The following DDX10 variants were observed in gnomAD, a reference collection of about 807,000 sequenced individuals.
DDX10 encodes the protein probable ATP-dependent RNA helicase DDX10.
Under a neutral mutation model 104.3 loss-of-function variants are expected in DDX10, and 74 were observed. The ratio of observed to expected loss-of-function variants is 0.71; its 90% CI spans 0.59 to 0.86. The LOEUF (loss-of-function observed/expected upper bound fraction) is 0.86, where lower values mean the gene tolerates loss of function less well. Ranked by LOEUF, DDX10 falls within the 40% of genes least tolerant of loss-of-function variation. DDX10 has a pLI of 0.00. For missense variants in DDX10, 952 were observed against 1,040.0 expected, an observed-to-expected ratio of 0.92 and a Z score of 1.16; for synonymous variants, 351 against 353.4, an observed-to-expected ratio of 0.99 and a Z score of 0.08.
intron 16 of DDX10, among the ~76,000 whole-genome samples, chr11:108,908,991 G>T (rs146922024): frequency 0.015 from 2,323 of 152,286 alleles, 57 homozygotes; most frequent in African/African-American, 0.053. Flanking sequence ...TTCCTGGACA[G>T]AACACCCTTA....
chr11:108,839,286 C>G (rs1040018837), intron 14 of DDX10, among the ~76,000 whole-genome samples: 1 of 152,178 alleles, frequency 6.6e-6, no homozygotes, highest in Non-Finnish European at 1.5e-5. Flanking sequence ...TGACTATCCT[C>G]ATATTAGCAC....
intron 16 of DDX10, among the ~76,000 whole-genome samples, chr11:108,866,376 G>A (rs1426220460): frequency 2.0e-5 from 3 of 152,120 alleles, no homozygotes; most frequent in Non-Finnish European, 4.4e-5. Flanking sequence ...ATGTTAATAG[G>A]ATCAATTTTG....
intron 16 of DDX10, among the ~76,000 whole-genome samples, chr11:108,908,527 T>C (rs76152579): frequency 2.0e-5 from 3 of 152,370 alleles, no homozygotes; most frequent in Non-Finnish European, 4.4e-5. Context: ...TTATGAATGC[T>C]GTATGGCATG....
intron 6 of DDX10, among the ~76,000 whole-genome samples, chr11:108,688,180 T>A (rs2094247286): frequency 6.6e-6 from 1 of 152,166 alleles, no homozygotes; most frequent in Non-Finnish European, 1.5e-5. Context: ...GCCATATATT[T>A]GTGTGTGTGT....
intron 16 of DDX10, among the ~76,000 whole-genome samples, chr11:108,867,724 C>G (rs763332051): frequency 2.0e-5 from 3 of 152,140 alleles, no homozygotes; most frequent in Non-Finnish European, 2.9e-5. Flanking sequence ...TGTTAAAGGC[C>G]AGTCCCTTAT....
chr11:108,748,759 C>T (rs1397704324), intron 13 of DDX10, among the ~76,000 whole-genome samples: 1 of 152,092 alleles, frequency 6.6e-6, no homozygotes, highest in Non-Finnish European at 1.5e-5. Flanking sequence ...TAGCTCACTG[C>T]AGCCATGAAC....
chr11:108,732,145 T>G (rs1465266334), intron 13 of DDX10, among the ~76,000 whole-genome samples: 1 of 152,258 alleles, frequency 6.6e-6, no homozygotes, highest in East Asian at 1.9e-4. Context: ...GGAATATGTC[T>G]AATAATCATA....
At chr11:108,779,447 A>G (rs1177563337) in intron 13 of DDX10, among the ~76,000 whole-genome samples, 1 of 152,150 alleles carries the variant, frequency 6.6e-6, no homozygotes, top group African/African-American at 2.4e-5. Flanking sequence ...CAGAAAACCA[A>G]ACACCACATG....
intron 13 of DDX10, among the ~76,000 whole-genome samples, chr11:108,779,023 A>G (rs2094374187): frequency 6.6e-6 from 1 of 152,222 alleles, no homozygotes. Flanking sequence ...CAATCATTAA[A>G]AAGTCAGGAA....
intron 16 of DDX10, among the ~76,000 whole-genome samples, chr11:108,862,708 A>G (rs1240101462): frequency 2.0e-5 from 3 of 152,176 alleles, no homozygotes; most frequent in Non-Finnish European, 2.9e-5. Flanking sequence ...GTTCAGAGAC[A>G]TTTAACCTCC....
At chr11:108,852,641 A>G (rs1862810579) in intron 16 of DDX10, among the ~76,000 whole-genome samples, 1 of 152,222 alleles carries the variant, frequency 6.6e-6, no homozygotes, top group Admixed American at 6.5e-5. Flanking sequence ...CAGCTCTTAG[A>G]ATCTAGGAGA....
intron 16 of DDX10, among the ~76,000 whole-genome samples, chr11:108,889,294 A>G (rs1027987556): frequency 6.6e-6 from 1 of 152,182 alleles, no homozygotes; most frequent in Non-Finnish European, 1.5e-5. Flanking sequence ...TTATGTTTGA[A>G]TAATGGAAAT....
chr11:108,736,536 T>C (rs2094318632), intron 13 of DDX10, among the ~76,000 whole-genome samples: 1 of 152,158 alleles, frequency 6.6e-6, no homozygotes, highest in Non-Finnish European at 1.5e-5. Context: ...CCTCCAAAAT[T>C]TGAATGTTGT....
At chr11:108,884,798 C>A (rs889060233) in intron 16 of DDX10, among the ~76,000 whole-genome samples, 1 of 152,082 alleles carries the variant, frequency 6.6e-6, no homozygotes, top group Non-Finnish European at 1.5e-5. Flanking sequence ...AAAGATTTTC[C>A]CCCTTAACTT....
chr11:108,876,382 A>G (rs1863154342), intron 16 of DDX10, among the ~76,000 whole-genome samples: 1 of 152,198 alleles, frequency 6.6e-6, no homozygotes, highest in South Asian at 2.1e-4. Context: ...GTACCAGGAA[A>G]AACCTCAGAC....
Position 108,706,835 on chromosome 11 carries a change from C to A in DDX10, c.1320C>A (p.Ile440=). Residue 440 remains isoleucine (I), a splice_region_variant and synonymous_variant, in exon 10 of 18, where the codon ATC becomes ATA. Transcript: ENST00000322536. ...AGAAGAAAGTACCTGTGAAGGAAATCAAGTAAGAGCTACTTGTTGTCTTTA... is the reference window on the plus strand; with the variant it reads ...AGAAGAAAGTACCTGTGAAGGAAATAAAGTAAGAGCTACTTGTTGTCTTTA... ...LLQKKVPVKE[I]KINPEKLIDV... 1.2e-6 allele frequency: 2 copies of A among 1,611,778 alleles called. No individual in the cohort carries two copies. Among genetic ancestry groups the A allele is most frequent in the Middle Eastern group, 1.7e-4 (1 of 6,044 alleles).
intron 13 of DDX10, among the ~76,000 whole-genome samples, chr11:108,791,718 T>A (rs923950082): frequency 6.6e-6 from 1 of 152,144 alleles, no homozygotes; most frequent in South Asian, 2.1e-4. Context: ...TCTCTACTAG[T>A]TTTGGGCTAG....
intron 1 of DDX10, 150 bp downstream of exon 1, chr11:108,665,489 C>T: frequency 1.2e-6 from 1 of 830,328 alleles, no homozygotes; most frequent in Non-Finnish European, 1.8e-6. Context: ...GCTCAAACCT[C>T]TGCACCGTTC....
At chr11:108,687,173 C>T (rs1276996354) in intron 6 of DDX10, among the ~76,000 whole-genome samples, 1 of 152,214 alleles carries the variant, frequency 6.6e-6, no homozygotes, top group African/African-American at 2.4e-5. Flanking sequence ...AAGGATAGTT[C>T]CTGTGGCTCC....
Sources: gnomAD v4.1 joint callset for allele counts (sites outside exome capture counted in the v4.1 genomes callset) on GRCh38, gnomAD v4.1.1 for gene constraint, MANE v1.5 for transcripts, NCBI Gene and HGNC (gene_info 2026-07-23, HGNC 2026-07-21) for gene names.